The following PNPT1 variants were observed in gnomAD, a reference collection of about 807,000 sequenced individuals.
PNPT1 encodes polyribonucleotide nucleotidyltransferase 1.
Under a neutral mutation model 119.5 loss-of-function variants are expected in PNPT1, and 53 were observed. That is an observed-to-expected ratio of 0.44 (90% CI 0.36 to 0.56). The LOEUF is 0.56. PNPT1 is among the 20% of genes least tolerant of loss of function. The pLI, the probability that PNPT1 is intolerant of heterozygous loss-of-function variation, is 0.00. For missense variants in PNPT1, 948 were observed against 938.5 expected, an observed-to-expected ratio of 1.01 and a Z score of -0.13; for synonymous variants, 357 against 322.1, an observed-to-expected ratio of 1.11 and a Z score of -1.16.
intron 21 of PNPT1, among the ~76,000 whole-genome samples, chr2:55,645,745 G>A (rs1420971981): frequency 1.3e-5 from 2 of 152,058 alleles, no homozygotes; most frequent in South Asian, 2.1e-4. Flanking sequence ...GCCCAGGCTG[G>A]TCTTGAACTC....
chr2:55,640,060 T>A lies in PNPT1; in HGVS notation c.2148+567A>T, dbSNP rs567234573. ...ATCCCATGTATATTATTTCTAGTTT[T>A]TGTTTTCTTGTTGCATGGATTATCT... On this transcript the variant is annotated intron_variant, in intron 26 of 27. Transcript: ENST00000447944. Among the ~76,000 whole-genome samples the A allele has an allele frequency of 3.9e-4, 59 of 152,360 alleles. 1 individual carries two copies. Among genetic ancestry groups the A allele is most frequent in the Admixed American group, 3.6e-3 (55 of 15,304 alleles).
chr2:55,664,932 C>T (rs1278561346), intron 13 of PNPT1, among the ~76,000 whole-genome samples: 1 of 151,726 alleles, frequency 6.6e-6, no homozygotes, highest in Non-Finnish European at 1.5e-5. Flanking sequence ...ATTATAAATC[C>T]TAGAAGGATA....
chr2:55,645,407 G>C lies in PNPT1; in HGVS notation c.1764C>G (p.Ile588Met). ...ASVAKKEILQ[I>M]MNKTISKPRA... ...GAGGTTTTGAAATAGTTTTGTTCAT[G>C]ATCTGTAATATCTCCTTTTTTGCCA... Residue 588 changes from isoleucine to methionine, a missense_variant, in exon 22 of 28, where the codon ATC (isoleucine) becomes ATG (methionine). Coordinates refer to ENST00000447944, the MANE Select transcript of PNPT1 (RefSeq NM_033109.5). The C allele has an allele frequency of 6.2e-7, 1 of 1,611,336 alleles. No individual in the cohort carries two copies. Among genetic ancestry groups the C allele is most frequent in the African/African-American group, 1.3e-5 (1 of 74,760 alleles).
intron 4 of PNPT1, among the ~76,000 whole-genome samples, 154 bp from the exon 5 acceptor site, chr2:55,683,988 T>A (rs1334762888): frequency 6.6e-6 from 1 of 152,186 alleles, no homozygotes; most frequent in Admixed American, 6.5e-5. Context: ...ATGTCAGTGC[T>A]TCCATTATTA....
Position 55,683,781 on chromosome 2 carries a change from C to G in PNPT1, c.453+4G>C, listed in dbSNP as rs1697317071. On this transcript the variant is annotated splice_donor_region_variant and intron_variant, in intron 5 of 27. Coordinates refer to ENST00000447944, the MANE Select transcript of PNPT1 (RefSeq NM_033109.5). ...GCAACTAAAAAACCTAAAGCAGAAT[C>G]TACCTGTGTATCATAGAAGTAGCCA... 6.2e-7 allele frequency: 1 copy of G among 1,610,898 alleles called. No individual in the cohort carries two copies. Among genetic ancestry groups the G allele is most frequent in the Non-Finnish European group, 8.5e-7 (1 of 1,177,980 alleles).
intron 18 of PNPT1, 62 bp from the exon 19 acceptor site, chr2:55,647,515 T>A: frequency 7.7e-7 from 1 of 1,304,650 alleles, no homozygotes; most frequent in Non-Finnish European, 1.1e-6. Flanking sequence ...CAAATATTTA[T>A]CTATCAATTT....
chr2:55,660,572 G>T (rs1363502685), intron 14 of PNPT1, among the ~76,000 whole-genome samples: 1 of 152,168 alleles, frequency 6.6e-6, no homozygotes, highest in Non-Finnish European at 1.5e-5. Flanking sequence ...GTGAAACGAA[G>T]AAAAAGTCCT....
At chr2:55,663,475 AT>A (rs1696643075) in intron 13 of PNPT1, among the ~76,000 whole-genome samples, 1 of 152,214 alleles carries the variant, frequency 6.6e-6, no homozygotes, top group African/African-American at 2.4e-5. Flanking sequence ...ATCGATGAAA[AT>A]TCTCAAGTTT....
chr2:55,636,241 T>C lies in PNPT1; in HGVS notation c.2348A>G (p.Gln783Arg). The C allele has an allele frequency of 6.3e-7, 1 of 1,595,970 alleles. No homozygotes were observed. The highest frequency in any genetic ancestry group is 1.1e-5 in the South Asian group (1 of 87,148). The change falls in exon 28 of 28, where the codon CAG becomes CGG. Residue 783 changes from glutamine (Q) to arginine (R), a missense_variant. Transcript: ENST00000447944. ...EPISQSSSNS[Q>R] is the part of the protein sequence containing the mutation. ...AATTCTCTTTAAAAAAAAAAATCAC[T>C]GAGAATTAGATGATGACTGTGAAAT...
chr2:55,659,713 T>C (rs553994086), intron 15 of PNPT1, among the ~76,000 whole-genome samples: 62 of 152,210 alleles, frequency 4.1e-4, no homozygotes, highest in Non-Finnish European at 6.5e-4. Flanking sequence ...TCTCTACTTA[T>C]CATTCTACAC....
chr2:55,693,784 G>T lies in PNPT1; in HGVS notation c.40C>A (p.Arg14=), dbSNP rs199712282. Residue 14 remains arginine, a synonymous_variant, in exon 1 of 28, where the codon CGG becomes AGG. Coordinates refer to ENST00000447944, the MANE Select transcript of PNPT1 (RefSeq NM_033109.5). ...CRYCCSCLRL[R]PLSDGPFLLP... ...AGGAAAGGACCATCGCTCAGGGGCC[G>T]GAGCCGGAGGCACGAGCAGCAGTAC... is the stretch of plus-strand genomic sequence containing the variant. 1.2e-6 allele frequency: 2 copies of T among 1,613,912 alleles called. No individual in the cohort carries two copies.
intron 1 of PNPT1, among the ~76,000 whole-genome samples, chr2:55,688,766 C>G: frequency 6.6e-6 from 1 of 151,170 alleles, no homozygotes; most frequent in East Asian, 2.0e-4. Flanking sequence ...ACAACAACAA[C>G]AAAAAACTTT....
intron 11 of PNPT1, among the ~76,000 whole-genome samples, chr2:55,669,899 C>T (rs1181297478): frequency 6.6e-6 from 1 of 151,684 alleles, no homozygotes; most frequent in Non-Finnish European, 1.5e-5. Context: ...GCTGGGATTA[C>T]AGGAGCCTGC....
intron 1 of PNPT1, among the ~76,000 whole-genome samples, chr2:55,693,160 A>G (rs1417964385): frequency 6.6e-6 from 1 of 152,122 alleles, no homozygotes. Context: ...AACTTCTACA[A>G]GGTAGGCTCC....
chr2:55,657,134 G>A (rs898044783), intron 15 of PNPT1, among the ~76,000 whole-genome samples: 1 of 152,024 alleles, frequency 6.6e-6, no homozygotes, highest in Admixed American at 6.6e-5. Context: ...TTTGAAACTA[G>A]CCTGGCCAAC....
At chr2:55,658,953 T>A (rs765707941) in intron 15 of PNPT1, among the ~76,000 whole-genome samples, 2 of 152,222 alleles carry the variant, frequency 1.3e-5, no homozygotes, top group African/African-American at 2.4e-5. Context: ...CATGTTGTAT[T>A]CTTTTTCTTT....
chr2:55,689,809 T>C (rs1347332579), intron 1 of PNPT1, among the ~76,000 whole-genome samples: 1 of 152,218 alleles, frequency 6.6e-6, no homozygotes, highest in Non-Finnish European at 1.5e-5. Flanking sequence ...CATTGAACTG[T>C]ACACTTTATT....
At chr2:55,643,978 A>G (rs1695913939) in intron 23 of PNPT1, among the ~76,000 whole-genome samples, 1 of 152,218 alleles carries the variant, frequency 6.6e-6, no homozygotes. Context: ...CTTGAAATTC[A>G]CCATCTAGTG....
At chr2:55,648,609 A>C (rs1465470090) in intron 18 of PNPT1, among the ~76,000 whole-genome samples, 1 of 152,114 alleles carries the variant, frequency 6.6e-6, no homozygotes, top group African/African-American at 2.4e-5. Flanking sequence ...AAACCTATTT[A>C]TATGTCTTAT....
Sources: allele counts gnomAD v4.1 joint callset (sites outside exome capture counted in the v4.1 genomes callset), GRCh38; gene constraint gnomAD v4.1.1; transcripts MANE v1.5; gene names NCBI Gene and HGNC (gene_info 2026-07-23, HGNC 2026-07-21).